The following SPTBN4 variants were observed in gnomAD, a reference collection of about 807,000 sequenced individuals.
The protein encoded by SPTBN4 is spectrin beta, non-erythrocytic 4, also known as spectrin beta chain, non-erythrocytic 4.
SPTBN4 carries 96 observed loss-of-function variants against 277.8 expected under a neutral mutation model. That is an observed-to-expected ratio of 0.35 (90% CI 0.29 to 0.41). The LOEUF (loss-of-function observed/expected upper bound fraction) is 0.41. SPTBN4 is among the 10% of genes least tolerant of loss of function. The pLI is 1.00. For missense variants in SPTBN4, 3,006 were observed against 3,595.7 expected (o/e 0.84, Z 4.19); for synonymous variants, 1,481 against 1,580.3 (o/e 0.94, Z 1.49).
intron 6 of SPTBN4, among the ~76,000 whole-genome samples, chr19:40,496,169 A>T (rs12985846): frequency 6.6e-6 from 1 of 152,042 alleles, no homozygotes; most frequent in Non-Finnish European, 1.5e-5. Context: ...ATTTATTTTG[A>T]GGGTGAGTCT....
intron 20 of SPTBN4, among the ~76,000 whole-genome samples, chr19:40,538,531 T>C (rs751192561): frequency 6.6e-6 from 1 of 152,210 alleles, no homozygotes; most frequent in Non-Finnish European, 1.5e-5. Context: ...TCATGGGTGT[T>C]TGCCCGTGCA....
intron 22 of SPTBN4, 124 bp downstream of exon 22, chr19:40,550,451 G>A: frequency 1.2e-6 from 1 of 824,240 alleles, no homozygotes; most frequent in Non-Finnish European, 1.9e-6. Flanking sequence ...ACTGTGGACA[G>A]CAGATACAGA....
chr19:40,553,293 A>C (rs1165249931), intron 22 of SPTBN4, among the ~76,000 whole-genome samples: 1 of 152,148 alleles, frequency 6.6e-6, no homozygotes, highest in Non-Finnish European at 1.5e-5. Flanking sequence ...CAGCCTGAGT[A>C]ACATAGCAAG....
chr19:40,481,939 T>G (rs971347546), intron 2 of SPTBN4, among the ~76,000 whole-genome samples: 2 of 149,240 alleles, frequency 1.3e-5, no homozygotes, highest in African/African-American at 4.9e-5. Context: ...ATTCAAGTCT[T>G]TTTTTTTTTT....
At chr19:40,532,519 C>A in intron 18 of SPTBN4, 106 bp from the exon 19 acceptor site, 1 of 1,417,880 alleles carries the variant, frequency 7.1e-7, no homozygotes. Flanking sequence ...TCCTTCCACC[C>A]ATACACCCTA....
chr19:40,528,844 C>CTCTG (rs2080626278), intron 17 of SPTBN4, among the ~76,000 whole-genome samples, 197 bp from the exon 18 acceptor site: 1 of 151,936 alleles, frequency 6.6e-6, no homozygotes. Context: ...CTTTCTCTTC[C>CTCTG]TCTGTCTGTC....
At chr19:40,517,320 T>C (rs1189080337) in intron 15 of SPTBN4, among the ~76,000 whole-genome samples, 3 of 151,896 alleles carry the variant, frequency 2.0e-5, no homozygotes, top group African/African-American at 7.3e-5. Flanking sequence ...GACAGGGTCT[T>C]GCTCTTTCGC....
At chr19:40,470,977 T>A (rs1049454859) in intron 1 of SPTBN4, among the ~76,000 whole-genome samples, 5 of 148,824 alleles carry the variant, frequency 3.4e-5, no homozygotes, top group African/African-American at 7.5e-5. Context: ...TGAGACGGAG[T>A]CTTGCTCTGT....
intron 3 of SPTBN4, among the ~76,000 whole-genome samples, chr19:40,488,185 G>A (rs1428763148): frequency 1.3e-5 from 2 of 152,102 alleles, no homozygotes; most frequent in Middle Eastern, 3.4e-3. Context: ...AGAAGGGACT[G>A]GCCCGGGTTA....
intron 12 of SPTBN4, among the ~76,000 whole-genome samples, chr19:40,505,983 A>T (rs1360652180): frequency 6.6e-6 from 1 of 151,954 alleles, no homozygotes; most frequent in Non-Finnish European, 1.5e-5. Context: ...AGAGAGGGAG[A>T]CAGAGACAGA....
At chr19:40,530,410 C>G in intron 18 of SPTBN4, 2 of 743,622 alleles carry the variant, frequency 2.7e-6, no homozygotes, top group Non-Finnish European at 3.3e-6. Flanking sequence ...AAGAGGCGGG[C>G]AGGGAGGCAG....
intron 6 of SPTBN4, among the ~76,000 whole-genome samples, chr19:40,495,727 G>A (rs1212850682): frequency 6.6e-6 from 1 of 152,050 alleles, no homozygotes; most frequent in Non-Finnish European, 1.5e-5. Flanking sequence ...CCCCGTCCCT[G>A]TACACCCACG....
At position 40,567,728 on chromosome 19, in the gene SPTBN4, T is replaced by C. The variant is rs1379503349; in HGVS notation, c.6402T>C (p.Phe2134=). Residue 2134 remains phenylalanine, a synonymous_variant, in exon 31 of 36, where the codon TTT becomes TTC. Transcript: ENST00000598249. ...CCCCACTGCTGGGGCGCAAGTTCTTTGGGGACCCCACGGAACTGGCGGCCA... is the reference window on the plus strand; with the variant it reads ...CCCCACTGCTGGGGCGCAAGTTCTTCGGGGACCCCACGGAACTGGCGGCCA... ...PPTPLLGRKF[F]GDPTELAAKA... is the part of the protein sequence containing the mutation. 4.5e-6 allele frequency: 7 copies of C among 1,558,764 alleles called. No homozygotes were observed. Among genetic ancestry groups the C allele is most frequent in the East Asian group, 2.5e-5 (1 of 40,068 alleles).
intron 20 of SPTBN4, among the ~76,000 whole-genome samples, chr19:40,535,794 G>T (rs1441283214): frequency 6.6e-6 from 1 of 151,900 alleles, no homozygotes; most frequent in Non-Finnish European, 1.5e-5. Context: ...AAAATTAGCT[G>T]GGCATGGTGG....
At chr19:40,561,953 G>C (rs1393130979) in intron 27 of SPTBN4, among the ~76,000 whole-genome samples, 1 of 152,188 alleles carries the variant, frequency 6.6e-6, no homozygotes. Context: ...ATGAAGTGAT[G>C]GGTGAGTCAG....
intron 7 of SPTBN4, among the ~76,000 whole-genome samples, chr19:40,501,240 T>TG (rs1555812874): frequency 2.1e-5 from 3 of 139,884 alleles, no homozygotes; most frequent in Non-Finnish European, 4.8e-5. Flanking sequence ...CTCCATCTCT[T>TG]GAAAAAAAAA....
chr19:40,565,644 C>A lies in SPTBN4; in HGVS notation c.6055-17C>A. 2 of 1,555,072 alleles carry A rather than the reference C, an allele frequency of 1.3e-6. No individual in the cohort carries two copies. The highest frequency in any genetic ancestry group is 1.7e-6 in the Non-Finnish European group (2 of 1,148,852). ...TTCCACACCCTGACTTCCCTCCCAC[C>A]CACCTGCCACTCCCAGATCCAGGCA... On this transcript the variant is annotated splice_polypyrimidine_tract_variant and intron_variant, in intron 28 of 35. Coordinates refer to ENST00000598249, the MANE Select transcript of SPTBN4 (RefSeq NM_020971.3).
Position 40,575,640 on chromosome 19 carries a change from TC to T in SPTBN4, c.*72del. On this transcript the variant is annotated 3_prime_UTR_variant, in exon 36 of 36. Transcript: ENST00000598249. ...GCACTGTGGGCACAAAGACACTTTT[TC>T]TTCCGCAGGGGCGGGAGCCCCTAGT... 1 of 1,500,486 alleles carries T rather than the reference TC, an allele frequency of 6.7e-7. No homozygotes were observed. The highest frequency in any genetic ancestry group is 1.3e-5 in the South Asian group (1 of 79,442). 92.9% of individuals were successfully genotyped at this position (1,500,486 alleles called of 1,614,324 possible).
chr19:40,515,359 G>C lies in SPTBN4; in HGVS notation c.2814G>C (p.Leu938=). Residue 938 remains leucine, a synonymous_variant, in exon 15 of 36, where the codon CTG becomes CTC. Coordinates refer to ENST00000598249, the MANE Select transcript of SPTBN4 (RefSeq NM_020971.3). The surrounding 1 kb of genome is among the most constrained non-coding windows in gnomAD (Gnocchi z 4.1). ...QEMNSLMGRV[L]DVNHTVQELV... ...TGAACAGCCTGATGGGCCGCGTTCT[G>C]GACGTGAACCACACAGTCCAGGAGC... is the stretch of plus-strand genomic sequence containing the variant. 6.2e-7 allele frequency: 1 copy of C among 1,610,576 alleles called. No individual in the cohort carries two copies. The highest frequency in any genetic ancestry group is 1.3e-5 in the African/African-American group (1 of 74,978).
Sources: allele counts gnomAD v4.1 joint callset (sites outside exome capture counted in the v4.1 genomes callset), GRCh38; gene constraint gnomAD v4.1.1; non-coding constraint Gnocchi (gnomAD v3.1); transcripts MANE v1.5; gene names NCBI Gene and HGNC (gene_info 2026-07-23, HGNC 2026-07-21).